CGN: variants seen among roughly 807,000 people sequenced by gnomAD.
The protein encoded by CGN is cingulin.
Under a neutral mutation model 157.1 loss-of-function variants are expected in CGN, and 121 were observed. That is an observed-to-expected ratio of 0.77 (90% confidence interval 0.66 to 0.90). CGN has a LOEUF of 0.90. Among genes scored for constraint, CGN ranks in the 40% least tolerant of loss-of-function variants. The pLI is 0.00. For missense variants in CGN, 1,424 were observed against 1,520.9 expected (o/e 0.94, Z 1.06); for synonymous variants, 535 against 607.5 (o/e 0.88, Z 1.76).
rs751557307 is a variant in CGN, at chr1:151,534,179, TC to T, written c.2904+45del. 3.3e-6 allele frequency: 5 copies of T among 1,527,230 alleles called. No individual in the cohort carries two copies. The South Asian group carries it at 6.2e-5, about 19-fold the overall frequency. 94.6% of individuals were successfully genotyped at this position (1,527,230 alleles called of 1,614,324 possible). ...TGACCTGTGGAAAAAGGGTGGGACTTCCAAGCCTCTTTCTGTACTAGCGGTC... is the reference window on the plus strand; with the variant it reads ...TGACCTGTGGAAAAAGGGTGGGACTTCAAGCCTCTTTCTGTACTAGCGGTC... On this transcript the variant is annotated intron_variant, in intron 15 of 20. Coordinates refer to ENST00000271636, the MANE Select transcript of CGN (RefSeq NM_020770.3).
intron 16 of CGN, 145 bp downstream of exon 16, chr1:151,535,276 TG>T: frequency 2.9e-6 from 2 of 684,136 alleles, no homozygotes; most frequent in South Asian, 1.9e-5. Flanking sequence ...TTGTCTGCTT[TG>T]GGAAAGGTTG....
upstream of CGN, chr1:151,511,126 T>G (rs954239213): frequency 6.6e-6 from 1 of 152,232 alleles, no homozygotes; most frequent in Non-Finnish European, 1.5e-5. This position sits in a 1 kb window ranked among gnomAD's most constrained non-coding sequence, Gnocchi z 4.8. Flanking sequence ...TGGCCGGCGG[T>G]CACTCGCGAC....
chr1:151,523,626 C>T (rs1459058456), intron 6 of CGN, 65 bp downstream of exon 6: 2 of 1,450,504 alleles, frequency 1.4e-6, no homozygotes, highest in African/African-American at 1.4e-5. Flanking sequence ...GAGGCCACTC[C>T]CTCTTTGCCC....
In CGN at chr1:151,537,427, T is replaced by C. The variant is rs1347297987; in HGVS notation, c.*81T>C. 2 of 1,299,118 alleles carry C rather than the reference T, an allele frequency of 1.5e-6. No homozygotes were observed. Among genetic ancestry groups the C allele is most frequent in the African/African-American group, 2.9e-5 (2 of 68,084 alleles). The allele number at this position is 1,299,118 out of a possible 1,614,324, so 80.5% of individuals were successfully genotyped here. A position where few individuals can be genotyped will look rare whatever the true frequency, so the allele number is the denominator to read the frequency against. On this transcript the variant is annotated 3_prime_UTR_variant, in exon 21 of 21. Transcript: ENST00000271636. The stretch of plus-strand genomic sequence containing the variant: ...GCTCTGCTCTGCCCACCCTGGGTTC[T>C]GCATTCCTATGGGTGACCCAATTAT...
intron 8 of CGN, among the ~76,000 whole-genome samples, chr1:151,525,348 G>A (rs1169547420): frequency 1.3e-5 from 2 of 152,060 alleles, no homozygotes; most frequent in East Asian, 1.9e-4. Context: ...GCAGTGAGCC[G>A]AGATCATGCC....
intron 19 of CGN, 65 bp from the exon 20 acceptor site, chr1:151,536,665 G>C: frequency 6.6e-7 from 1 of 1,525,796 alleles, no homozygotes; most frequent in South Asian, 1.2e-5. Context: ...AGATTGTTAT[G>C]GGGGAGGGTC....
intron 20 of CGN, 145 bp from the exon 21 acceptor site, chr1:151,537,060 G>A (rs1216278271): frequency 1.1e-5 from 13 of 1,186,538 alleles, no homozygotes; most frequent in Admixed American, 2.6e-5. Context: ...CCACCATCCT[G>A]TACCTCCCCA....
chr1:151,529,280 T>G (rs1298144079), intron 10 of CGN, 70 bp from the exon 11 acceptor site: 6 of 1,348,054 alleles, frequency 4.5e-6, no homozygotes, highest in Non-Finnish European at 6.3e-6. Flanking sequence ...TATGAGAGTT[T>G]CAGCTTCTCC....
chr1:151,522,009 G>A (rs1388666623), intron 5 of CGN, among the ~76,000 whole-genome samples: 1 of 152,184 alleles, frequency 6.6e-6, no homozygotes, highest in African/African-American at 2.4e-5. Flanking sequence ...CAGGCATGGT[G>A]GCTTACGCCT....
At chr1:151,510,245 G>C (rs1338113864), upstream of CGN, among the ~76,000 whole-genome samples, 1 of 152,166 alleles carries the variant, frequency 6.6e-6, no homozygotes, top group Non-Finnish European at 1.5e-5. Flanking sequence ...GCTTGGGGAG[G>C]GGCGGAAACC....
chr1:151,534,427 A>G (rs569035775), intron 15 of CGN: 2 of 390,870 alleles, frequency 5.1e-6, no homozygotes, highest in African/African-American at 4.3e-5. Context: ...TAGAGTGAAC[A>G]GTATTCTTCA....
rs115105935 is a variant in CGN at position 151,525,385 on chromosome 1, C to T, written c.1615-257C>T. 1.7e-3 allele frequency among the ~76,000 whole-genome samples: 262 copies of T among 151,980 alleles called. 4 individuals are homozygous for T. Among genetic ancestry groups the T allele is most frequent in the African/African-American group, 6.1e-3 (251 of 41,452 alleles). On this transcript the variant is annotated intron_variant, in intron 8 of 20. Transcript: ENST00000271636. Reference sequence around the variant, plus strand: ...TTGCACTTCACCCTGGGCAACACAGCGAGACTCTGTCCCCCTAAAAATAAA... The same window carrying T: ...TTGCACTTCACCCTGGGCAACACAGTGAGACTCTGTCCCCCTAAAAATAAA...
chr1:151,530,727 T>G lies in CGN; in HGVS notation c.2552T>G (p.Val851Gly). ...CAGAAGCGTTTGCTGGACAGGACTG[T>G]GGACCGACTGAACAAGGAGGTGGGG... Reference protein sequence around the residue: ...EEQKRLLDRTVDRLNKELEKI... With the variant: ...EEQKRLLDRTGDRLNKELEKI... The change falls in exon 13 of 21, where the codon GTG (valine) becomes GGG (glycine). Residue 851 changes from valine to glycine, a missense_variant. Physicochemically the swap from Val to Gly is moderately radical, Grantham distance 109. This residue lies in a region of CGN where 1,187 missense variants were observed against 1,217.6 expected (regional missense o/e 0.97). Coordinates refer to ENST00000271636, the MANE Select transcript of CGN (RefSeq NM_020770.3). The G allele has an allele frequency of 6.4e-7, 1 of 1,552,392 alleles. No individual in the cohort carries two copies. The highest frequency in any genetic ancestry group is 8.7e-7 in the Non-Finnish European group (1 of 1,147,372).
In CGN at chr1:151,523,465, G is replaced by A. The variant is rs1396623528; in HGVS notation, c.1172G>A (p.Gly391Glu). The change falls in exon 6 of 21, where the codon GGG becomes GAG. Residue 391 changes from glycine to glutamate, a missense_variant. By Grantham distance (98) the Gly-to-Glu change is moderately conservative. Coordinates refer to ENST00000271636, the MANE Select transcript of CGN (RefSeq NM_020770.3). ...KRQKLEPSQVGLERQLEEKTE... is the reference protein window; with the variant it reads ...KRQKLEPSQVELERQLEEKTE... ...CAGAAGCTAGAGCCATCCCAAGTTG[G>A]GCTGGAGCGGCAGCTGGAGGAGAAA... is the stretch of plus-strand genomic sequence containing the variant. The A allele has an allele frequency of 6.2e-7, 1 of 1,613,538 alleles. No individual in the cohort carries two copies. The highest frequency in any genetic ancestry group is 8.5e-7 in the Non-Finnish European group (1 of 1,179,850).
Position 151,532,424 on chromosome 1 carries a change from C to CT in CGN, c.2595dup (p.Lys866Ter). On this transcript the variant is annotated frameshift_variant, in exon 14 of 21. Transcript: ENST00000271636. LOFTEE classifies it high-confidence loss of function. ...CAGTTGGAGAAGATCGGGGAGGACT[C>CT]TAAGCAAGCCCTGCAGCAGCTCCAG... 1 of 1,583,434 alleles carries CT rather than the reference C, an allele frequency of 6.3e-7. No individual in the cohort carries two copies. The highest frequency in any genetic ancestry group is 8.6e-7 in the Non-Finnish European group (1 of 1,168,676).
chr1:151,515,408 G>C lies in CGN; in HGVS notation c.-14-3098G>C, dbSNP rs1203456816. The C allele has an allele frequency of 2.6e-5, 4 of 152,122 alleles. No homozygotes were observed. In the East Asian group the frequency reaches 7.7e-4, roughly 29 times the overall value. 9.4% of individuals were successfully genotyped at this position (152,122 alleles called of 1,614,324 possible). A position where few individuals can be genotyped will look rare whatever the true frequency, so the allele number is the denominator to read the frequency against. ...CATTCTCACAGATAATAACCTTGTG[G>C]GGTATTATCATTATACCCATTTTAC... On this transcript the variant is annotated intron_variant, in intron 1 of 20. Coordinates refer to ENST00000271636, the MANE Select transcript of CGN (RefSeq NM_020770.3).
rs2102490210 is a variant in CGN at position 151,520,186 on chromosome 1, C to T, written c.894C>T (p.Leu298=). The T allele has an allele frequency of 6.2e-7, 1 of 1,613,144 alleles. No individual in the cohort carries two copies. The stretch of plus-strand genomic sequence containing the variant: ...AACAGTTCAAATCAACTCCAGACCT[C>T]CTTCGAGACCAGCAGGAGGCAGCCC... ...TMLQFKSTPD[L]LRDQQEAAPP... is the part of the protein sequence containing the mutation. The change falls in exon 3 of 21, where the codon CTC becomes CTT. Residue 298 remains leucine (L), a synonymous_variant. Transcript: ENST00000271636.
intron 13 of CGN, 86 bp downstream of exon 13, chr1:151,530,832 G>A (rs1664820125): frequency 3.5e-6 from 5 of 1,410,700 alleles, no homozygotes; most frequent in Non-Finnish European, 4.9e-6. Context: ...TGGGGGAGAG[G>A]GGTTAGTCAG....
intron 10 of CGN, 91 bp from the exon 11 acceptor site, chr1:151,529,259 C>T: frequency 1.8e-6 from 2 of 1,101,914 alleles, no homozygotes; most frequent in South Asian, 1.4e-5. Context: ...GTTTTTATTC[C>T]CTTGGCAGTG....
Sources: allele counts gnomAD v4.1 joint callset (sites outside exome capture counted in the v4.1 genomes callset), GRCh38; gene constraint gnomAD v4.1.1; regional missense constraint gnomAD v4.1.1; non-coding constraint Gnocchi (gnomAD v3.1); transcripts MANE v1.5; gene names NCBI Gene and HGNC (gene_info 2026-07-23, HGNC 2026-07-21).